The following PAPSS2 variants were observed in gnomAD, a reference collection of about 807,000 sequenced individuals.
The protein encoded by PAPSS2 is bifunctional 3'-phosphoadenosine 5'-phosphosulfate synthase 2.
PAPSS2 carries 61 observed loss-of-function variants against 66.5 expected under a neutral mutation model. That is an observed-to-expected ratio of 0.92 (90% confidence interval 0.75 to 1.14). PAPSS2 has a LOEUF of 1.14. PAPSS2 is among the 50% of genes most tolerant of loss of function. The pLI is 0.00. For missense variants in PAPSS2, 708 were observed against 789.6 expected (o/e 0.90, Z 1.24); for synonymous variants, 289 against 287.5 (o/e 1.01, Z -0.05).
chr10:87,731,026 C>T (rs925711537), intron 9 of PAPSS2, among the ~76,000 whole-genome samples: 1 of 152,222 alleles, frequency 6.6e-6, no homozygotes, highest in Admixed American at 6.5e-5. Flanking sequence ...GAAGAAACAG[C>T]CTTCTATTGG....
chr10:87,740,685 CAAA>C (rs1312844327), intron 9 of PAPSS2, among the ~76,000 whole-genome samples: 1 of 152,088 alleles, frequency 6.6e-6, no homozygotes, highest in Non-Finnish European at 1.5e-5. Flanking sequence ...AAAGGCTATC[CAAA>C]TCCTCTTCTC....
At chr10:87,720,413 G>A (rs74146357) in intron 7 of PAPSS2, among the ~76,000 whole-genome samples, 171 of 152,294 alleles carry the variant, frequency 1.1e-3, no homozygotes, top group African/African-American at 4.0e-3. Flanking sequence ...TGAGGAGACA[G>A]AGTTAAATTG....
At chr10:87,724,978 G>T (rs1286525791) in intron 8 of PAPSS2, among the ~76,000 whole-genome samples, 1 of 151,678 alleles carries the variant, frequency 6.6e-6, no homozygotes, top group Non-Finnish European at 1.5e-5. Flanking sequence ...GAAGACCTGC[G>T]GTTCAAGTCC....
intron 8 of PAPSS2, among the ~76,000 whole-genome samples, chr10:87,723,850 A>T (rs180913215): frequency 1.3e-5 from 2 of 152,342 alleles, no homozygotes; most frequent in Admixed American, 6.5e-5. Flanking sequence ...TAAATGTTGC[A>T]TTGAAAAGTT....
intron 1 of PAPSS2, among the ~76,000 whole-genome samples, chr10:87,702,086 G>A (rs2131924084): frequency 6.6e-6 from 1 of 152,294 alleles, no homozygotes; most frequent in East Asian, 1.9e-4. Context: ...ATATAATTGT[G>A]AAACATTTGA....
At position 87,743,543 on chromosome 10, in the gene PAPSS2, A is replaced by C. The variant is rs751963043; in HGVS notation, c.1393A>C (p.Lys465Gln). ...CGATGTGCCTCTAGACTGGCGGATG[A>C]AGCAGCACGCGGCTGTGCTCGAGGA... ...DDDVPLDWRM[K>Q]QHAAVLEEGV... Residue 465 changes from lysine to glutamine, a missense_variant, in exon 11 of 13, where the codon AAG becomes CAG. By Grantham distance (53) the Lys-to-Gln change is moderately conservative. Transcript: ENST00000456849. The C allele has an allele frequency of 6.2e-7, 1 of 1,614,110 alleles. No homozygotes were observed. Among genetic ancestry groups the C allele is most frequent in the Non-Finnish European group, 8.5e-7 (1 of 1,180,014 alleles).
At chr10:87,737,842 T>C (rs1030717027) in intron 9 of PAPSS2, among the ~76,000 whole-genome samples, 4 of 152,062 alleles carry the variant, frequency 2.6e-5, no homozygotes, top group Non-Finnish European at 4.4e-5. Flanking sequence ...CCTCTTCTTC[T>C]TTCCTCCAGC....
intron 1 of PAPSS2, among the ~76,000 whole-genome samples, chr10:87,666,127 C>A (rs537048424): frequency 7.7e-4 from 117 of 152,124 alleles, no homozygotes; most frequent in Non-Finnish European, 1.3e-3. Context: ...CCACACCCGG[C>A]TAATTTTTGT....
At chr10:87,676,420 T>C (rs1448825207) in intron 1 of PAPSS2, among the ~76,000 whole-genome samples, 1 of 152,194 alleles carries the variant, frequency 6.6e-6, no homozygotes, top group African/African-American at 2.4e-5. Flanking sequence ...CGGACCTGTC[T>C]TTCCTTTGTG....
At chr10:87,718,940 C>T (rs1468981049) in intron 7 of PAPSS2, among the ~76,000 whole-genome samples, 3 of 152,154 alleles carry the variant, frequency 2.0e-5, no homozygotes, top group African/African-American at 7.2e-5. Flanking sequence ...CTTTCCCCTT[C>T]CAAGCTGCAG....
chr10:87,684,474 C>T (rs751535038), intron 1 of PAPSS2, among the ~76,000 whole-genome samples: 2 of 152,352 alleles, frequency 1.3e-5, no homozygotes, highest in African/African-American at 4.8e-5. Context: ...CACAGTGTGA[C>T]TTGTCCAACA....
At position 87,714,109 on chromosome 10, in the gene PAPSS2, T is replaced by C. The variant is rs1853502435; in HGVS notation, c.447T>C (p.Asp149=). 6.2e-7 allele frequency: 1 copy of C among 1,613,924 alleles called. No homozygotes were observed. Among genetic ancestry groups the C allele is most frequent in the Non-Finnish European group, 8.5e-7 (1 of 1,179,836 alleles). Residue 149 remains aspartate (D), a synonymous_variant, in exon 4 of 13, where the codon GAT becomes GAC. Coordinates refer to ENST00000456849, the MANE Select transcript of PAPSS2 (RefSeq NM_001015880.2). ...TGCCATTCTTTGAAATATTTGTAGA[T>C]GCACCTCTAAATATTTGTGAAAGCA... The part of the protein sequence containing the change: ...AGLPFFEIFV[D]APLNICESRD...
At chr10:87,666,125 G>A (rs974221390) in intron 1 of PAPSS2, among the ~76,000 whole-genome samples, 74 of 151,828 alleles carry the variant, frequency 4.9e-4, no homozygotes, top group African/African-American at 1.7e-3. Context: ...CACCACACCC[G>A]GCTAATTTTT....
intron 7 of PAPSS2, among the ~76,000 whole-genome samples, chr10:87,718,026 T>C (rs941068475): frequency 6.6e-6 from 1 of 151,956 alleles, no homozygotes; most frequent in Non-Finnish European, 1.5e-5. Flanking sequence ...TTGATTTTCT[T>C]TTTTCTTTTC....
rs1260614354 is a variant in PAPSS2 at position 87,681,352 on chromosome 10, G to A, written c.27+21344G>A. 2.0e-5 allele frequency among the ~76,000 whole-genome samples: 3 copies of A among 152,244 alleles called. No homozygotes were observed. In the East Asian group the frequency reaches 5.8e-4, roughly 29 times the overall value. Reference sequence around the variant, plus strand: ...ATCAGAATAAAAAGACTATCAAACAGGAGGAGTTTTAAATGTTTACAATAA... The same window carrying A: ...ATCAGAATAAAAAGACTATCAAACAAGAGGAGTTTTAAATGTTTACAATAA... On this transcript the variant is annotated intron_variant, in intron 1 of 12. Coordinates refer to ENST00000456849, the MANE Select transcript of PAPSS2 (RefSeq NM_001015880.2).
intron 1 of PAPSS2, among the ~76,000 whole-genome samples, chr10:87,671,638 C>T (rs1852879440): frequency 6.6e-6 from 1 of 152,184 alleles, no homozygotes; most frequent in Non-Finnish European, 1.5e-5. Flanking sequence ...GCCCCACAGG[C>T]TATGGGCCTG....
chr10:87,660,314 G>A (rs1318900354), intron 1 of PAPSS2: 1 of 554,074 alleles, frequency 1.8e-6, no homozygotes, highest in Admixed American at 3.1e-5. Context: ...ACCAGGGACA[G>A]GAAATCCCCT....
At chr10:87,680,850 A>G (rs1260716186) in intron 1 of PAPSS2, among the ~76,000 whole-genome samples, 1 of 152,110 alleles carries the variant, frequency 6.6e-6, no homozygotes, top group Non-Finnish European at 1.5e-5. Flanking sequence ...ATGGAATTCT[A>G]CGTTATACAA....
At chr10:87,694,660 C>A (rs534663334) in intron 1 of PAPSS2, among the ~76,000 whole-genome samples, 14 of 152,298 alleles carry the variant, frequency 9.2e-5, no homozygotes, top group African/African-American at 3.4e-4. Flanking sequence ...GTAAATGGAA[C>A]CGGCTTAGCG....
Sources: gnomAD v4.1 joint callset for allele counts (sites outside exome capture counted in the v4.1 genomes callset) on GRCh38, gnomAD v4.1.1 for gene constraint, MANE v1.5 for transcripts, NCBI Gene and HGNC (gene_info 2026-07-23, HGNC 2026-07-21) for gene names.